The following BANP variants were observed in gnomAD, a reference collection of about 807,000 sequenced individuals.
BANP encodes protein BANP.
A neutral mutation model predicts 68.1 loss-of-function variants in BANP; 11 were observed. The ratio of observed to expected loss-of-function variants is 0.16; its 90% CI spans 0.10 to 0.27. BANP has a LOEUF of 0.27. BANP is among the 10% of genes least tolerant of loss of function. BANP has a pLI of 1.00. For missense variants in BANP, 504 were observed against 722.7 expected, an observed-to-expected ratio of 0.70 and a Z score of 3.47; for synonymous variants, 329 against 303.2, an observed-to-expected ratio of 1.09 and a Z score of -0.88.
chr16:87,965,745 A>G (rs4843283), intron 1 of BANP, among the ~76,000 whole-genome samples: 97,179 of 152,156 alleles, frequency 0.64, 31,435 homozygotes, highest in African/African-American at 0.68. Flanking sequence ...ATTTAAGGCC[A>G]GGTTAAAGAT....
chr16:88,072,626 C>A (rs2090632365), intron 13 of BANP, among the ~76,000 whole-genome samples: 1 of 152,254 alleles, frequency 6.6e-6, no homozygotes, highest in African/African-American at 2.4e-5. Flanking sequence ...GCCCTAGCGT[C>A]CACGAAAACA....
At position 88,072,093 on chromosome 16, in the gene BANP, G is replaced by A. The variant is rs776799978; in HGVS notation, c.1402G>A (p.Ala468Thr). The A allele has an allele frequency of 6.8e-5, 109 of 1,593,240 alleles. No homozygotes were observed. The highest frequency in any genetic ancestry group is 9.1e-5 in the Non-Finnish European group (107 of 1,171,736). ...GQVLQGAQLI[A>T]VASSDPAAAG... The stretch of plus-strand genomic sequence containing the variant: ...GGTGCTGCAGGGTGCACAGCTGATC[G>A]CCGTGGCCTCCTCGGACCCCGCGGC... Residue 468 changes from alanine (A) to threonine (T), a missense_variant, in exon 13 of 14, where the codon GCC becomes ACC. This residue lies in a region of BANP where 223 missense variants were observed against 246.2 expected (regional missense o/e 0.91). Transcript: ENST00000682872.
At chr16:88,024,577 G>A (rs2076620318) in intron 7 of BANP, among the ~76,000 whole-genome samples, 1 of 152,216 alleles carries the variant, frequency 6.6e-6, no homozygotes, top group African/African-American at 2.4e-5. Flanking sequence ...AGACGTGGGC[G>A]CTTGCCCCAG....
intron 6 of BANP, among the ~76,000 whole-genome samples, chr16:88,009,636 G>A (rs917597276): frequency 2.4e-4 from 36 of 151,074 alleles, no homozygotes; most frequent in African/African-American, 6.3e-4. Flanking sequence ...GTGTCTCATT[G>A]GAATAAGAAG....
intron 1 of BANP, among the ~76,000 whole-genome samples, chr16:87,972,403 T>A (rs1246750668): frequency 6.6e-6 from 1 of 152,004 alleles, no homozygotes; most frequent in African/African-American, 2.4e-5. Context: ...TCAGTTTGTT[T>A]TGAATTATCA....
At chr16:87,988,880 C>T (rs1567675904) in intron 4 of BANP, among the ~76,000 whole-genome samples, 2 of 152,304 alleles carry the variant, frequency 1.3e-5, no homozygotes, top group Non-Finnish European at 2.9e-5. Flanking sequence ...GCAGCAGGGG[C>T]GTCACTAAGG....
chr16:87,961,405 C>T (rs1329287183), intron 1 of BANP, among the ~76,000 whole-genome samples: 1 of 128,792 alleles, frequency 7.8e-6, no homozygotes. Flanking sequence ...CTCACAGAAT[C>T]TGCACCCCCC....
chr16:88,056,553 C>T (rs765835073), intron 11 of BANP, among the ~76,000 whole-genome samples: 2 of 151,366 alleles, frequency 1.3e-5, no homozygotes, highest in African/African-American at 4.9e-5. Flanking sequence ...ATGGTGCCTT[C>T]GAAGGGCTCG....
intron 1 of BANP, among the ~76,000 whole-genome samples, chr16:87,971,212 C>T (rs2061053122): frequency 6.6e-6 from 1 of 152,082 alleles, no homozygotes; most frequent in Non-Finnish European, 1.5e-5. Flanking sequence ...CTCCCAATTC[C>T]TCCCAGTTTC....
At chr16:87,959,145 C>T (rs1000257696) in intron 1 of BANP, among the ~76,000 whole-genome samples, 1 of 152,220 alleles carries the variant, frequency 6.6e-6, no homozygotes, top group Admixed American at 6.5e-5. Context: ...GTAAGTGTTT[C>T]TGGCCTTGTG....
intron 1 of BANP, among the ~76,000 whole-genome samples, chr16:87,968,716 T>A (rs1309428486): frequency 6.6e-6 from 1 of 152,010 alleles, no homozygotes; most frequent in East Asian, 1.9e-4. Flanking sequence ...GGTTTCTGCT[T>A]CCCTGGAGCA....
At chr16:88,023,776 C>T (rs897926543) in intron 7 of BANP, among the ~76,000 whole-genome samples, 10 of 152,168 alleles carry the variant, frequency 6.6e-5, no homozygotes, top group South Asian at 2.1e-4. Flanking sequence ...AGGCAGCTAA[C>T]GGTGTAGTGG....
At chr16:87,973,768 A>AAAAAGGAAAG (rs34197268) in intron 1 of BANP, among the ~76,000 whole-genome samples, 1 of 104,934 alleles carries the variant, frequency 9.5e-6, no homozygotes, top group Non-Finnish European at 2.3e-5. Flanking sequence ...AAAAAAAAAA[A>AAAAAGGAAAG]AAAAAAGAAA....
chr16:87,973,720 T>G (rs2061514690), intron 1 of BANP, among the ~76,000 whole-genome samples: 1 of 132,156 alleles, frequency 7.6e-6, no homozygotes. Context: ...GCCATTGCAT[T>G]CCAGCCTGGG....
chr16:87,995,789 G>C (rs1340214145), intron 4 of BANP, among the ~76,000 whole-genome samples: 1 of 152,230 alleles, frequency 6.6e-6, no homozygotes, highest in African/African-American at 2.4e-5. Context: ...GACTCCACAG[G>C]TAACAAGCTC....
chr16:87,971,283 C>T (rs995515640), intron 1 of BANP, among the ~76,000 whole-genome samples: 1 of 152,144 alleles, frequency 6.6e-6, no homozygotes, highest in Non-Finnish European at 1.5e-5. Flanking sequence ...CTCAGTCCTG[C>T]GTGGAGATAG....
At chr16:88,048,366 G>A (rs1234149686) in intron 11 of BANP, among the ~76,000 whole-genome samples, 1 of 152,108 alleles carries the variant, frequency 6.6e-6, no homozygotes, top group Admixed American at 6.6e-5. Context: ...ATGGGAGGTT[G>A]GATTTCAGTA....
chr16:88,013,074 G>T (rs1373801012), intron 6 of BANP, among the ~76,000 whole-genome samples: 1 of 152,188 alleles, frequency 6.6e-6, no homozygotes, highest in Non-Finnish European at 1.5e-5. Context: ...TTTGAGGATC[G>T]GCAGCTTTCT....
At chr16:88,047,040 T>C (rs141356745) in intron 11 of BANP, among the ~76,000 whole-genome samples, 38 of 151,402 alleles carry the variant, frequency 2.5e-4, no homozygotes, top group African/African-American at 9.0e-4. Context: ...CATTCCAGCC[T>C]GGGCGACATA....
Sources: allele counts gnomAD v4.1 joint callset (sites outside exome capture counted in the v4.1 genomes callset), GRCh38; gene constraint gnomAD v4.1.1; regional missense constraint gnomAD v4.1.1; transcripts MANE v1.5; gene names NCBI Gene and HGNC (gene_info 2026-07-23, HGNC 2026-07-21).